GAB1: variants seen among roughly 807,000 people sequenced by gnomAD.
GAB1 encodes the protein GRB2 associated binding protein 1.
GAB1 carries 19 observed loss-of-function variants against 66.5 expected under a neutral mutation model. That is an observed-to-expected ratio of 0.29 (90% CI 0.20 to 0.42). GAB1 has a LOEUF of 0.42. Among genes scored for constraint, GAB1 ranks in the 10% least tolerant of loss-of-function variants. The pLI is 1.00. For synonymous variants in GAB1, 294 were observed against 301.4 expected (o/e 0.98, Z 0.25); for missense variants, 732 against 858.5 (o/e 0.85, Z 1.84).
intron 1 of GAB1, among the ~76,000 whole-genome samples, chr4:143,386,861 A>G (rs1730941270): frequency 6.6e-6 from 1 of 152,212 alleles, no homozygotes; most frequent in South Asian, 2.1e-4. Flanking sequence ...GTAATACACA[A>G]CATGTAGTTG....
At chr4:143,432,370 G>A (rs767822560) in intron 2 of GAB1, among the ~76,000 whole-genome samples, 1 of 152,172 alleles carries the variant, frequency 6.6e-6, no homozygotes, top group African/African-American at 2.4e-5. Context: ...GCAGAATTTT[G>A]TTCCTTAGTT....
At chr4:143,395,806 C>A (rs553913504) in intron 1 of GAB1, 46 of 444,660 alleles carry the variant, frequency 1.0e-4, no homozygotes, top group South Asian at 7.2e-4. Flanking sequence ...CCTCCACATA[C>A]CCTTTCTAAG....
intron 1 of GAB1, among the ~76,000 whole-genome samples, chr4:143,356,078 G>C (rs1433055984): frequency 6.6e-6 from 1 of 152,050 alleles, no homozygotes; most frequent in African/African-American, 2.4e-5. Context: ...TTTGGGTCGG[G>C]GCCGGGGGGA....
intron 1 of GAB1, among the ~76,000 whole-genome samples, chr4:143,373,870 T>TAAATAAATAAATAA (rs1261588757): frequency 1.2e-4 from 15 of 126,836 alleles, no homozygotes; most frequent in African/African-American, 2.9e-4. Context: ...AATAAATAAA[T>TAAATAAATAAATAA]ATATATATAT....
chr4:143,414,412 G>A (rs191609366), intron 1 of GAB1, among the ~76,000 whole-genome samples: 1 of 152,278 alleles, frequency 6.6e-6, no homozygotes, highest in East Asian at 1.9e-4. Context: ...TCTAGGTATA[G>A]TATTAAACTC....
chr4:143,465,895 C>A (rs906779617), intron 8 of GAB1: 11 of 402,892 alleles, frequency 2.7e-5, no homozygotes, highest in African/African-American at 2.3e-4. Context: ...CCAAGTTTAA[C>A]TTTTGAAACT....
rs539649880 is a variant in GAB1, at chr4:143,455,845, A to G, written c.1586-3540A>G. On this transcript the variant is annotated intron_variant, in intron 6 of 9. Transcript: ENST00000262994. ...CAAAACTGAACTCCAAGCAGCTCCA[A>G]CATAGTATCCAGCTAAATTTCCTAA... Among the ~76,000 whole-genome samples the G allele has an allele frequency of 1.5e-4, 23 of 152,316 alleles. No homozygotes were observed. The South Asian group carries it at 4.3e-3, about 29-fold the overall frequency.
intron 8 of GAB1, 157 bp from the exon 9 acceptor site, chr4:143,465,946 A>G: frequency 1.4e-6 from 1 of 710,962 alleles, no homozygotes; most frequent in Non-Finnish European, 2.2e-6. Flanking sequence ...TCAGTTTTTT[A>G]AATATTACTT....
chr4:143,459,815 A>G (rs575123834), intron 7 of GAB1, among the ~76,000 whole-genome samples: 2 of 152,154 alleles, frequency 1.3e-5, no homozygotes, highest in Non-Finnish European at 2.9e-5. Context: ...TAATAGATAC[A>G]ACTCATGTAA....
chr4:143,340,812 T>C (rs893614980), intron 1 of GAB1, among the ~76,000 whole-genome samples: 1 of 152,160 alleles, frequency 6.6e-6, no homozygotes, highest in African/African-American at 2.4e-5. Context: ...TTAAATTGTT[T>C]TAGTTTTAGC....
chr4:143,441,803 A>G (rs755155822), intron 6 of GAB1, among the ~76,000 whole-genome samples: 5 of 152,218 alleles, frequency 3.3e-5, no homozygotes, highest in South Asian at 2.1e-4. Context: ...CTCCCCTTCT[A>G]TGGCCTCAGT....
rs1578680194 is a variant in GAB1, at chr4:143,415,602, A to G, written c.198A>G (p.Gln66=). 2.5e-6 allele frequency: 4 copies of G among 1,614,012 alleles called. No individual in the cohort carries two copies. Among genetic ancestry groups the G allele is most frequent in the South Asian group, 1.1e-5 (1 of 91,086 alleles). ...PIRIIDLNLC[Q]QVDAGLTFNK... ...GTATTATTGATTTAAATTTATGTCA[A>G]CAAGTAGATGCTGGATTGACATTTA... is the stretch of plus-strand genomic sequence containing the variant. Residue 66 remains glutamine (Q), a synonymous_variant, in exon 2 of 10, where the codon CAA becomes CAG. Transcript: ENST00000262994.
intron 1 of GAB1, among the ~76,000 whole-genome samples, chr4:143,367,630 T>C (rs1000396445): frequency 1.3e-5 from 2 of 150,966 alleles, no homozygotes; most frequent in Non-Finnish European, 2.9e-5. Context: ...CTCCTGTAAG[T>C]GCAAAGGCTG....
chr4:143,337,426 GCA>G (rs1728698175), intron 1 of GAB1, among the ~76,000 whole-genome samples, 166 bp downstream of exon 1: 1 of 152,118 alleles, frequency 6.6e-6, no homozygotes, highest in African/African-American at 2.4e-5. Flanking sequence ...AGGGTGCCTT[GCA>G]CTCCCTCACG....
chr4:143,425,364 G>A (rs1733283716), intron 2 of GAB1: 5 of 761,576 alleles, frequency 6.6e-6, no homozygotes, highest in Non-Finnish European at 1.2e-5. Flanking sequence ...CTTCACTCCT[G>A]GAACCTTCAG....
At chr4:143,436,758 A>T (rs1454069690) in intron 3 of GAB1, among the ~76,000 whole-genome samples, 1 of 152,188 alleles carries the variant, frequency 6.6e-6, no homozygotes, top group African/African-American at 2.4e-5. Flanking sequence ...TTTCTATTTG[A>T]GGCCCACAAG....
At chr4:143,455,597 G>A (rs1735144147) in intron 6 of GAB1, among the ~76,000 whole-genome samples, 2 of 152,144 alleles carry the variant, frequency 1.3e-5, no homozygotes, top group Admixed American at 6.5e-5. Flanking sequence ...ACCAAAAGAA[G>A]TTCTAAGAGC....
chr4:143,458,896 G>A (rs1454250834), intron 6 of GAB1, among the ~76,000 whole-genome samples: 2 of 151,540 alleles, frequency 1.3e-5, no homozygotes, highest in Non-Finnish European at 2.9e-5. Context: ...TTCAGTTTGG[G>A]GTTTTAACAA....
intron 1 of GAB1, among the ~76,000 whole-genome samples, chr4:143,404,505 C>T (rs1460576734): frequency 6.6e-6 from 1 of 152,192 alleles, no homozygotes; most frequent in African/African-American, 2.4e-5. Flanking sequence ...AGCAATTGAT[C>T]TTGCTTGTCT....
Sources: allele counts gnomAD v4.1 joint callset (sites outside exome capture counted in the v4.1 genomes callset), GRCh38; gene constraint gnomAD v4.1.1; transcripts MANE v1.5; gene names NCBI Gene and HGNC (gene_info 2026-07-23, HGNC 2026-07-21).